Variants in HDGFL3 observed in about 807,000 individuals in gnomAD.
HDGFL3 encodes the protein HDGF like 3.
Under a neutral mutation model 27.6 loss-of-function variants are expected in HDGFL3, and 6 were observed. The ratio of observed to expected loss-of-function variants is 0.22; its 90% confidence interval spans 0.12 to 0.43. The LOEUF is 0.43. Among genes scored for constraint, HDGFL3 ranks in the 20% least tolerant of loss-of-function variants. The pLI, the probability that HDGFL3 is intolerant of heterozygous loss-of-function variation, is 1.00. For missense variants in HDGFL3, 207 were observed against 250.1 expected (o/e 0.83, Z 1.16); for synonymous variants, 88 against 88.9 (o/e 0.99, Z 0.05).
intron 2 of HDGFL3, among the ~76,000 whole-genome samples, chr15:83,162,271 C>G (rs1379258279): frequency 6.6e-6 from 1 of 152,114 alleles, no homozygotes; most frequent in Non-Finnish European, 1.5e-5. Flanking sequence ...ATCTCAGGTT[C>G]AGGGACACCC....
Position 83,151,315 on chromosome 15 carries a change from T to G in HDGFL3, c.506A>C (p.Lys169Thr). Residue 169 changes from lysine (K) to threonine (T), a missense_variant, in exon 5 of 6, where the codon AAA becomes ACA. By Grantham distance (78) the Lys-to-Thr change is moderately conservative. Transcript: ENST00000299633. Reference protein sequence around the residue: ...SRKSPGDEDDKDCKEEENKSS... With the variant: ...SRKSPGDEDDTDCKEEENKSS... The stretch of plus-strand genomic sequence containing the variant: ...TTTGTTTTCCTCTTCTTTGCAGTCT[T>G]TGTCATCTTCATCTCCTGGAGATTT... 1 of 1,613,518 alleles carries G rather than the reference T, an allele frequency of 6.2e-7. No homozygotes were observed. Among genetic ancestry groups the G allele is most frequent in the Non-Finnish European group, 8.5e-7 (1 of 1,179,702 alleles).
At chr15:83,154,230 G>C (rs771115166) in intron 4 of HDGFL3, among the ~76,000 whole-genome samples, 7 of 151,968 alleles carry the variant, frequency 4.6e-5, no homozygotes, top group Non-Finnish European at 5.9e-5. Context: ...CAGCTACTGG[G>C]GAGGCTGAGG....
chr15:83,193,326 G>A (rs1043990898), intron 1 of HDGFL3, among the ~76,000 whole-genome samples: 12 of 152,058 alleles, frequency 7.9e-5, no homozygotes, highest in Admixed American at 5.2e-4. Context: ...ATAAGCACAC[G>A]AAAAGATGCC....
chr15:83,181,561 C>T (rs749556759), intron 1 of HDGFL3, among the ~76,000 whole-genome samples: 20 of 152,154 alleles, frequency 1.3e-4, no homozygotes, highest in Admixed American at 2.6e-4. Flanking sequence ...CTGCAGCCTC[C>T]GCCTCCTGGG....
rs1299148784 is a variant in HDGFL3 at position 83,128,359 on chromosome 15, C to T, written c.*10911G>A. On this transcript the variant is annotated 3_prime_UTR_variant, in exon 6 of 6. Coordinates refer to ENST00000299633, the MANE Select transcript of HDGFL3 (RefSeq NM_016073.4). ...AGGTAATTCTTAATTATAAAATTAG[C>T]ATAGTAGTATCGAAAAAGTTGATGT... 1 of 152,116 alleles carries T rather than the reference C, an allele frequency of 6.6e-6. No homozygotes were observed. The highest frequency in any genetic ancestry group is 1.5e-5 in the Non-Finnish European group (1 of 68,020). The allele number at this position is 152,116 out of a possible 1,614,324, so 9.4% of individuals were successfully genotyped here.
intron 4 of HDGFL3, among the ~76,000 whole-genome samples, chr15:83,152,362 T>C (rs2036974314): frequency 6.6e-6 from 1 of 150,790 alleles, no homozygotes; most frequent in Non-Finnish European, 1.5e-5. Flanking sequence ...GAGTTTGAGA[T>C]CAGCTTGGCC....
At chr15:83,119,118 A>G (rs1280954023) in intron 3 of HDGFL3, among the ~76,000 whole-genome samples, 1 of 152,148 alleles carries the variant, frequency 6.6e-6, no homozygotes, top group Non-Finnish European at 1.5e-5. Context: ...TATGTGGGGA[A>G]TGAGTGTTGT....
chr15:83,187,680 GGA>G (rs1567176000), intron 1 of HDGFL3, among the ~76,000 whole-genome samples: 1 of 151,960 alleles, frequency 6.6e-6, no homozygotes. Flanking sequence ...CCTAAGGTCC[GGA>G]GTTCGAGACC....
chr15:83,183,763 A>G (rs1567175072), intron 1 of HDGFL3, among the ~76,000 whole-genome samples: 1 of 124,562 alleles, frequency 8.0e-6, no homozygotes, highest in Non-Finnish European at 1.6e-5. Flanking sequence ...ATCTCAAAAA[A>G]AAGAAAAAAA....
chr15:83,134,110 C>A lies in HDGFL3; in HGVS notation c.*5160G>T, dbSNP rs1221809392. 6.6e-6 allele frequency: 1 copy of A among 152,168 alleles called. No individual in the cohort carries two copies. The highest frequency in any genetic ancestry group is 1.5e-5 in the Non-Finnish European group (1 of 68,024). The allele number at this position is 152,168 out of a possible 1,614,324, so 9.4% of individuals were successfully genotyped here. On this transcript the variant is annotated 3_prime_UTR_variant, in exon 6 of 6. Coordinates refer to ENST00000299633, the MANE Select transcript of HDGFL3 (RefSeq NM_016073.4). ...GACCCTTTTTGTATTTTGACAGTCA[C>A]AAGTCCATTGTTGTTGAACGTTTAT...
intron 1 of HDGFL3, 112 bp from the exon 2 acceptor site, chr15:83,164,187 G>GT: frequency 1.4e-6 from 1 of 715,246 alleles, no homozygotes; most frequent in East Asian, 3.0e-5. Flanking sequence ...AACTCAGATA[G>GT]TTTTTTAGAA....
At chr15:83,162,884 G>C (rs960201125) in intron 2 of HDGFL3, among the ~76,000 whole-genome samples, 2 of 152,132 alleles carry the variant, frequency 1.3e-5, no homozygotes, top group Admixed American at 1.3e-4. Context: ...TGTTCCATTT[G>C]TTTTTTGTTG....
chr15:83,178,023 CAAA>C (rs2037334218), intron 1 of HDGFL3, among the ~76,000 whole-genome samples: 1 of 152,098 alleles, frequency 6.6e-6, no homozygotes, highest in Admixed American at 6.5e-5. Context: ...GGGTTTCTTT[CAAA>C]ATGCGCAAGA....
intron 5 of HDGFL3, 72 bp from the exon 6 acceptor site, chr15:83,139,347 C>A (rs1312932587): frequency 4.3e-6 from 4 of 937,746 alleles, no homozygotes; most frequent in Non-Finnish European, 6.0e-6. Flanking sequence ...GAGCTATCCA[C>A]ACCTAGATAG....
chr15:83,115,808 G>A (rs764730404), intron 3 of HDGFL3: 11 of 1,367,320 alleles, frequency 8.0e-6, no homozygotes, highest in Non-Finnish European at 1.2e-5. Context: ...TGTCTCCTGA[G>A]CTATTGCTTT....
chr15:83,173,159 T>C (rs746420031), intron 1 of HDGFL3, among the ~76,000 whole-genome samples: 1 of 152,256 alleles, frequency 6.6e-6, no homozygotes, highest in Admixed American at 6.5e-5. Context: ...TTCTGACTTA[T>C]AATGGTTTGA....
At chr15:83,183,685 G>A (rs1449221169) in intron 1 of HDGFL3, among the ~76,000 whole-genome samples, 3 of 151,876 alleles carry the variant, frequency 2.0e-5, no homozygotes, top group Admixed American at 6.6e-5. Flanking sequence ...AGGCGGAGGC[G>A]GAGGTTGCAG....
chr15:83,158,912 C>T (rs2037064478), intron 2 of HDGFL3, among the ~76,000 whole-genome samples: 1 of 151,944 alleles, frequency 6.6e-6, no homozygotes, highest in Non-Finnish European at 1.5e-5. Context: ...GGTATGATCT[C>T]GGTTTACTGC....
At chr15:83,148,786 A>G (rs1179149066) in intron 5 of HDGFL3, among the ~76,000 whole-genome samples, 4 of 152,284 alleles carry the variant, frequency 2.6e-5, no homozygotes, top group East Asian at 3.9e-4. Context: ...GAATCTTGGG[A>G]AAACAGTGCT....
Sources: allele counts gnomAD v4.1 joint callset (sites outside exome capture counted in the v4.1 genomes callset), GRCh38; gene constraint gnomAD v4.1.1; transcripts MANE v1.5; gene names NCBI Gene and HGNC (gene_info 2026-07-23, HGNC 2026-07-21).